CREM: variants seen among roughly 807,000 people sequenced by gnomAD.
CREM encodes the protein cAMP responsive element modulator, also known as cAMP-responsive element modulator.
A neutral mutation model predicts 37.3 loss-of-function variants in CREM; 13 were observed. That is an observed-to-expected ratio of 0.35 (90% CI 0.23 to 0.55). CREM has a LOEUF of 0.55. Among genes scored for constraint, CREM ranks in the 20% least tolerant of loss-of-function variants. The pLI is 0.88. For missense variants in CREM, 296 were observed against 362.3 expected (o/e 0.82, Z 1.49); for synonymous variants, 124 against 120.2 (o/e 1.03, Z -0.21).
chr10:35,165,447 A>C (rs2093504107), intron 3 of CREM, among the ~76,000 whole-genome samples: 1 of 152,170 alleles, frequency 6.6e-6, no homozygotes, highest in South Asian at 2.1e-4. Flanking sequence ...AAACTGTATC[A>C]CGTTTTGTCA....
At position 35,137,182 on chromosome 10, in the gene CREM, G is replaced by T. The variant is rs1281952243; in HGVS notation, c.-54-600G>T. 2.6e-5 allele frequency among the ~76,000 whole-genome samples: 4 copies of T among 151,728 alleles called. No homozygotes were observed. The East Asian group carries it at 5.8e-4, about 22-fold the overall frequency. ...CACATGTCAAATATATATTTTTAAAGATATTAGTAAAAAATAAAGAGAGTT... is the reference window on the plus strand; with the variant it reads ...CACATGTCAAATATATATTTTTAAATATATTAGTAAAAAATAAAGAGAGTT... On this transcript the variant is annotated intron_variant, in intron 1 of 7. Coordinates refer to ENST00000685392, the MANE Select transcript of CREM (RefSeq NM_183011.2).
At chr10:35,207,411 A>G (rs2095555531) in intron 7 of CREM, among the ~76,000 whole-genome samples, 1 of 151,620 alleles carries the variant, frequency 6.6e-6, no homozygotes, top group South Asian at 2.1e-4. Flanking sequence ...TAATAAAACA[A>G]TATTAAATAT....
chr10:35,211,572 C>A lies in CREM; in HGVS notation c.*174C>A. On this transcript the variant is annotated 3_prime_UTR_variant, in exon 8 of 8. Transcript: ENST00000685392. ...CCAGGATGTGGAATGCAGCCGTGATCACACTTACCGAGCTTACTTTGATCT... is the reference window on the plus strand; with the variant it reads ...CCAGGATGTGGAATGCAGCCGTGATAACACTTACCGAGCTTACTTTGATCT... 1 of 1,538,678 alleles carries A rather than the reference C, an allele frequency of 6.5e-7. No individual in the cohort carries two copies. The highest frequency in any genetic ancestry group is 1.9e-5 in the Admixed American group (1 of 51,800).
intron 2 of CREM, among the ~76,000 whole-genome samples, chr10:35,139,127 ATT>A (rs112599991): frequency 2.0e-4 from 29 of 146,062 alleles, no homozygotes; most frequent in East Asian, 6.0e-4. Flanking sequence ...CATTTTAGCA[ATT>A]TTTTTTTTTT....
chr10:35,137,308 A>G (rs562111675), intron 1 of CREM, among the ~76,000 whole-genome samples: 89 of 152,344 alleles, frequency 5.8e-4, no homozygotes, highest in Middle Eastern at 3.4e-3. Context: ...TTTTTTAACA[A>G]AAACCCAAGT....
chr10:35,151,245 T>C (rs2092579946), intron 3 of CREM, among the ~76,000 whole-genome samples: 1 of 152,272 alleles, frequency 6.6e-6, no homozygotes, highest in African/African-American at 2.4e-5. Flanking sequence ...TCTCAAATAA[T>C]GTTGTATGCT....
At chr10:35,151,589 G>A (rs2092604578) in intron 3 of CREM, among the ~76,000 whole-genome samples, 1 of 152,172 alleles carries the variant, frequency 6.6e-6, no homozygotes, top group Admixed American at 6.5e-5. Context: ...GGCCAGGCTG[G>A]TTTTGAACTC....
intron 5 of CREM, among the ~76,000 whole-genome samples, chr10:35,185,865 T>G (rs1185176681): frequency 6.6e-6 from 1 of 152,234 alleles, no homozygotes; most frequent in Non-Finnish European, 1.5e-5. Flanking sequence ...GAAGTCTTTT[T>G]AAAAATGTTA....
intron 3 of CREM, among the ~76,000 whole-genome samples, chr10:35,153,614 G>A (rs996589337): frequency 4.6e-5 from 7 of 152,166 alleles, no homozygotes; most frequent in Admixed American, 4.6e-4. Flanking sequence ...CCAGTGGAAA[G>A]GATGTACCTT....
intron 1 of CREM, among the ~76,000 whole-genome samples, chr10:35,134,055 GTT>G (rs143726656): frequency 2.3e-5 from 3 of 131,506 alleles, no homozygotes; most frequent in Admixed American, 7.6e-5. Context: ...AAAGTTTTTT[GTT>G]TTTTTTTTTT....
intron 3 of CREM, among the ~76,000 whole-genome samples, chr10:35,148,829 C>T (rs1169301796): frequency 6.6e-6 from 1 of 152,102 alleles, no homozygotes; most frequent in Non-Finnish European, 1.5e-5. Context: ...GAAATCTTAC[C>T]ATTTTCCCCG....
chr10:35,157,790 A>C (rs963344926), intron 3 of CREM, among the ~76,000 whole-genome samples: 1 of 152,172 alleles, frequency 6.6e-6, no homozygotes, highest in African/African-American at 2.4e-5. Flanking sequence ...CATAGATGAC[A>C]TGATCTTACA....
rs546884034 is a variant in CREM, at chr10:35,189,018, G to T, written c.598+630G>T. On this transcript the variant is annotated intron_variant, in intron 6 of 7. Coordinates refer to ENST00000685392, the MANE Select transcript of CREM (RefSeq NM_183011.2). ...TTAATTAGATATCCTTCATTTGGGG[G>T]TTGCAAATGTTGTACCTAATAGATT... 9.9e-5 allele frequency among the ~76,000 whole-genome samples: 15 copies of T among 152,204 alleles called. No homozygotes were observed. The South Asian group carries it at 1.0e-3, about 11-fold the overall frequency.
intron 6 of CREM, among the ~76,000 whole-genome samples, chr10:35,206,073 C>T (rs1037877984): frequency 2.0e-5 from 3 of 151,406 alleles, no homozygotes; most frequent in African/African-American, 7.3e-5. Context: ...ACGGTGAAAC[C>T]CCGTCTCTAC....
chr10:35,167,006 T>C (rs2093587686), intron 3 of CREM, among the ~76,000 whole-genome samples: 2 of 152,084 alleles, frequency 1.3e-5, no homozygotes, highest in Admixed American at 6.5e-5. Context: ...CCAGACGTGG[T>C]GGCACATGCC....
At chr10:35,163,829 CA>C (rs1051953197) in intron 3 of CREM, among the ~76,000 whole-genome samples, 8 of 151,378 alleles carry the variant, frequency 5.3e-5, no homozygotes, top group Non-Finnish European at 1.0e-4. Context: ...CTCCAAAAAA[CA>C]AAAAACAAAC....
At chr10:35,178,007 C>T (rs192453636) in intron 3 of CREM, among the ~76,000 whole-genome samples, 25 of 152,188 alleles carry the variant, frequency 1.6e-4, no homozygotes, top group African/African-American at 5.3e-4. Context: ...CCGTGTACTT[C>T]GGGAAGTATA....
At chr10:35,156,192 G>A (rs2092903219) in intron 3 of CREM, among the ~76,000 whole-genome samples, 1 of 151,708 alleles carries the variant, frequency 6.6e-6, no homozygotes, top group Non-Finnish European at 1.5e-5. Context: ...ATCCACCTCA[G>A]CCTCCCAAAG....
intron 1 of CREM, among the ~76,000 whole-genome samples, chr10:35,131,180 T>C (rs2135386888): frequency 6.6e-6 from 1 of 152,342 alleles, no homozygotes; most frequent in Admixed American, 6.5e-5. Flanking sequence ...TCTTTGTGCA[T>C]GTTTTCTAAA....
Sources: gnomAD v4.1 joint callset for allele counts (sites outside exome capture counted in the v4.1 genomes callset) on GRCh38, gnomAD v4.1.1 for gene constraint, MANE v1.5 for transcripts, NCBI Gene and HGNC (gene_info 2026-07-23, HGNC 2026-07-21) for gene names.